Variants in MARCHF1 observed in about 807,000 individuals in gnomAD.
MARCHF1 encodes the protein E3 ubiquitin-protein ligase MARCHF1.
MARCHF1 carries 40 observed loss-of-function variants against 54.2 expected under a neutral mutation model. That is an observed-to-expected ratio of 0.74 (90% confidence interval 0.57 to 0.96). The LOEUF is 0.96. Among genes scored for constraint, MARCHF1 ranks in the 40% least tolerant of loss-of-function variants. The pLI is 0.00. For synonymous variants in MARCHF1, 236 were observed against 236.3 expected (o/e 1.00, Z 0.01); for missense variants, 586 against 656.5 (o/e 0.89, Z 1.17).
At chr4:163,956,114 ATGT>A (rs1239383335) in intron 3 of MARCHF1, among the ~76,000 whole-genome samples, 1 of 152,180 alleles carries the variant, frequency 6.6e-6, no homozygotes, top group Non-Finnish European at 1.5e-5. Flanking sequence ...ATTATGTAAG[ATGT>A]TAACATCAGG....
At chr4:164,141,776 T>C (rs1282822255) in intron 1 of MARCHF1, among the ~76,000 whole-genome samples, 1 of 152,230 alleles carries the variant, frequency 6.6e-6, no homozygotes, top group African/African-American at 2.4e-5. Flanking sequence ...GCAATCTATA[T>C]TTTAAAAGTC....
At chr4:164,299,328 A>G (rs202209225) in intron 1 of MARCHF1, among the ~76,000 whole-genome samples, 1 of 152,116 alleles carries the variant, frequency 6.6e-6, no homozygotes, top group Non-Finnish European at 1.5e-5. Context: ...AAACCCTAGC[A>G]CTAAAAGTCC....
intron 1 of MARCHF1, among the ~76,000 whole-genome samples, chr4:164,213,978 C>T (rs1343419660): frequency 6.6e-6 from 1 of 152,026 alleles, no homozygotes; most frequent in African/African-American, 2.4e-5. Flanking sequence ...GTGATAGTTA[C>T]ACCATTTGCT....
chr4:163,793,417 T>C (rs1015333236), intron 4 of MARCHF1, among the ~76,000 whole-genome samples: 1 of 152,176 alleles, frequency 6.6e-6, no homozygotes, highest in Non-Finnish European at 1.5e-5. Flanking sequence ...AGGAAGGATT[T>C]CTCCAATTGT....
intron 1 of MARCHF1, among the ~76,000 whole-genome samples, chr4:164,341,278 A>AC (rs1236244845): frequency 9.5e-6 from 1 of 105,312 alleles, no homozygotes; most frequent in Non-Finnish European, 2.1e-5. Flanking sequence ...AAAAGCAAAA[A>AC]CAAAAAAAAA....
chr4:163,736,065 C>T lies in MARCHF1; in HGVS notation c.112-35202G>A, dbSNP rs1746026033. ...TATAACAATATGCTGTTCACAATTT[C>T]ATGGATAGAAGATTTATTCTTACCG... On this transcript the variant is annotated intron_variant, in intron 4 of 9. Transcript: ENST00000514618. 2.6e-5 allele frequency among the ~76,000 whole-genome samples: 4 copies of T among 152,220 alleles called. 1 individual carries two copies. The South Asian group carries it at 8.3e-4, about 32-fold the overall frequency.
At chr4:164,289,599 A>AC (rs1331389241) in intron 1 of MARCHF1, among the ~76,000 whole-genome samples, 3 of 151,614 alleles carry the variant, frequency 2.0e-5, no homozygotes, top group East Asian at 3.9e-4. Flanking sequence ...AAAAAAAAAA[A>AC]AAAAAACCTG....
intron 4 of MARCHF1, among the ~76,000 whole-genome samples, chr4:163,749,967 G>A (rs553137925): frequency 6.6e-6 from 1 of 152,202 alleles, no homozygotes; most frequent in Admixed American, 6.5e-5. Context: ...TAATCAGGAG[G>A]CTGAGGCAGA....
At chr4:163,952,274 T>C (rs4608744) in intron 3 of MARCHF1, among the ~76,000 whole-genome samples, 80,422 of 152,026 alleles carry the variant, frequency 0.53, 22,880 homozygotes, top group Middle Eastern at 0.67. Context: ...TATATAACGA[T>C]ACACACTGTA....
chr4:163,682,880 A>G (rs1744150704), intron 5 of MARCHF1, among the ~76,000 whole-genome samples: 1 of 152,122 alleles, frequency 6.6e-6, no homozygotes, highest in Admixed American at 6.5e-5. Context: ...TTCCTTTATA[A>G]ATTACTCAGT....
intron 4 of MARCHF1, among the ~76,000 whole-genome samples, chr4:163,704,100 T>A (rs1055327844): frequency 6.7e-6 from 1 of 149,140 alleles, no homozygotes; most frequent in Admixed American, 6.7e-5. Context: ...CTTAAAAAAG[T>A]TTTTTTTTAA....
intron 4 of MARCHF1, among the ~76,000 whole-genome samples, chr4:163,725,427 A>G (rs1400470590): frequency 2.0e-5 from 3 of 151,858 alleles, no homozygotes; most frequent in Non-Finnish European, 4.4e-5. Context: ...GAAGTGAGCC[A>G]TGATTGTGCT....
chr4:163,918,169 G>C (rs1751350652), intron 3 of MARCHF1, among the ~76,000 whole-genome samples: 1 of 152,124 alleles, frequency 6.6e-6, no homozygotes, highest in Non-Finnish European at 1.5e-5. Flanking sequence ...ACCATTGCTT[G>C]TTTTTGTTAG....
chr4:163,910,489 T>TTTG (rs143290013), intron 3 of MARCHF1, among the ~76,000 whole-genome samples: 14,947 of 151,852 alleles, frequency 0.098, 1,741 homozygotes, highest in African/African-American at 0.28. Flanking sequence ...ATAGCAATCT[T>TTTG]TTGTTGTTGT....
intron 3 of MARCHF1, among the ~76,000 whole-genome samples, chr4:163,887,383 C>A (rs1750562122): frequency 6.6e-6 from 1 of 151,890 alleles, no homozygotes; most frequent in Non-Finnish European, 1.5e-5. Flanking sequence ...GAGTAAATGT[C>A]CTGAACTGGC....
chr4:163,873,072 A>AAAC (rs1750211562), intron 3 of MARCHF1, among the ~76,000 whole-genome samples: 10 of 151,040 alleles, frequency 6.6e-5, no homozygotes, highest in Admixed American at 1.3e-4. Context: ...CAAACAAAAA[A>AAAC]AAACAAACAA....
chr4:164,228,156 G>C (rs996216946), intron 1 of MARCHF1, among the ~76,000 whole-genome samples: 1 of 152,098 alleles, frequency 6.6e-6, no homozygotes, highest in African/African-American at 2.4e-5. Flanking sequence ...ATAAGCACCT[G>C]GGGGGAAGCA....
intron 1 of MARCHF1, among the ~76,000 whole-genome samples, chr4:164,156,322 TTTAA>T (rs1730076329): frequency 6.6e-6 from 1 of 152,204 alleles, no homozygotes; most frequent in Admixed American, 6.6e-5. Flanking sequence ...CAAACTAGTA[TTTAA>T]TTAATTAAAC....
At chr4:164,014,594 G>A (rs1753497619) in intron 2 of MARCHF1, among the ~76,000 whole-genome samples, 1 of 152,040 alleles carries the variant, frequency 6.6e-6, no homozygotes, top group South Asian at 2.1e-4. Flanking sequence ...AAAAGACATA[G>A]AGTGGTGGAA....
Sources: gnomAD v4.1 joint callset for allele counts (sites outside exome capture counted in the v4.1 genomes callset) on GRCh38, gnomAD v4.1.1 for gene constraint, MANE v1.5 for transcripts, NCBI Gene and HGNC (gene_info 2026-07-23, HGNC 2026-07-21) for gene names.